CYFIP2: variants seen among roughly 807,000 people sequenced by gnomAD.
CYFIP2 encodes the protein cytoplasmic FMR1-interacting protein 2.
In CYFIP2, 29 loss-of-function variants were observed where a neutral mutation model predicts 158.7. That is an observed-to-expected ratio of 0.18 (90% confidence interval 0.14 to 0.25). The LOEUF (loss-of-function observed/expected upper bound fraction) is 0.25, where lower values mean the gene tolerates loss of function less well. Among genes scored for constraint, CYFIP2 ranks in the 10% least tolerant of loss-of-function variants. The pLI, the probability that CYFIP2 is intolerant of heterozygous loss-of-function variation, is 1.00. For missense variants in CYFIP2, 852 were observed against 1,639.5 expected, an observed-to-expected ratio of 0.52 and a Z score of 8.29; for synonymous variants, 585 against 617.6, an observed-to-expected ratio of 0.95 and a Z score of 0.78.
chr5:157,318,934 C>G (rs1011419673), intron 13 of CYFIP2, among the ~76,000 whole-genome samples: 1 of 152,182 alleles, frequency 6.6e-6, no homozygotes, highest in Non-Finnish European at 1.5e-5. Flanking sequence ...GTGGTTTTCA[C>G]CCAAGGCCAC....
chr5:157,289,789 A>G (rs1468684170), intron 3 of CYFIP2, among the ~76,000 whole-genome samples: 1 of 152,258 alleles, frequency 6.6e-6, no homozygotes, highest in African/African-American at 2.4e-5. Flanking sequence ...TTCAGCCCAT[A>G]ACAGAAGGCT....
In CYFIP2 at chr5:157,349,960, ATTGT is replaced by A. The variant is rs569890097; in HGVS notation, c.2673+8822_2673+8825del. Among the ~76,000 whole-genome samples the A allele has an allele frequency of 1.8e-4, 28 of 151,404 alleles. 1 individual carries two copies. Among genetic ancestry groups the A allele is most frequent in the East Asian group, 1.7e-3 (9 of 5,158 alleles). ...TGTCCTTAGCCCACTTTTTGATGGG[ATTGT>A]TTGTTTGTTTGTTTGTTTTTCTTAC... On this transcript the variant is annotated intron_variant, in intron 23 of 30. Coordinates refer to ENST00000620254, the MANE Select transcript of CYFIP2 (RefSeq NM_001037333.3).
intron 23 of CYFIP2, among the ~76,000 whole-genome samples, chr5:157,354,613 T>C (rs1763290755): frequency 6.6e-6 from 1 of 151,902 alleles, no homozygotes; most frequent in Non-Finnish European, 1.5e-5. Flanking sequence ...AGGAGGAGGA[T>C]TTGAATTCTC....
intron 1 of CYFIP2, among the ~76,000 whole-genome samples, chr5:157,268,635 G>A (rs1755819210): frequency 6.6e-6 from 1 of 152,214 alleles, no homozygotes; most frequent in Non-Finnish European, 1.5e-5. Context: ...GGCCCCAGGG[G>A]TCCACCAAAA....
chr5:157,299,748 A>G (rs1758582212), intron 5 of CYFIP2, among the ~76,000 whole-genome samples: 2 of 152,066 alleles, frequency 1.3e-5, no homozygotes, highest in African/African-American at 4.8e-5. Flanking sequence ...TAAAAATACA[A>G]AAAATTAGCT....
intron 5 of CYFIP2, among the ~76,000 whole-genome samples, chr5:157,300,181 T>C (rs1009046312): frequency 3.3e-5 from 5 of 152,108 alleles, no homozygotes; most frequent in African/African-American, 1.2e-4. Context: ...AGCCAATGTA[T>C]GTTGAATGAA....
chr5:157,328,513 T>C (rs954037026), intron 19 of CYFIP2, among the ~76,000 whole-genome samples: 7 of 152,208 alleles, frequency 4.6e-5, no homozygotes. Flanking sequence ...GGGAGTATGA[T>C]GATAACAGCA....
chr5:157,312,856 G>T (rs1408154783), intron 11 of CYFIP2, among the ~76,000 whole-genome samples: 1 of 152,098 alleles, frequency 6.6e-6, no homozygotes, highest in African/African-American at 2.4e-5. Context: ...GAGTGCTAGA[G>T]CTCTTTTAAA....
At chr5:157,289,481 G>A (rs1422163070) in intron 3 of CYFIP2, among the ~76,000 whole-genome samples, 1 of 152,246 alleles carries the variant, frequency 6.6e-6, no homozygotes, top group African/African-American at 2.4e-5. Flanking sequence ...AGAAGTCCAA[G>A]ATCAAGGTGT....
At position 157,389,294 on chromosome 5, in the gene CYFIP2, G is replaced by A; in HGVS notation, c.3313G>A (p.Asp1105Asn). ...ILTRIRSYLQDPIWRGPPPTN... is the reference protein window; with the variant it reads ...ILTRIRSYLQNPIWRGPPPTN... ...GACCCGCATTCGGAGCTACCTGCAG[G>A]ACCCCATCTGGCGGGGCCCACCGCC... The change falls in exon 29 of 31, where the codon GAC becomes AAC. Residue 1105 changes from aspartate (D) to asparagine (N), a missense_variant. By Grantham distance (23) the Asp-to-Asn change is conservative (BLOSUM62 1). Transcript: ENST00000620254. 6.2e-7 allele frequency: 1 copy of A among 1,614,024 alleles called. No homozygotes were observed. Among genetic ancestry groups the A allele is most frequent in the Non-Finnish European group, 8.5e-7 (1 of 1,179,900 alleles).
At chr5:157,307,613 T>C in intron 8 of CYFIP2, 148 bp from the exon 9 acceptor site, 1 of 423,054 alleles carries the variant, frequency 2.4e-6, no homozygotes, top group East Asian at 3.7e-5. Context: ...TAGATTTTCA[T>C]AATATAATGT....
At chr5:157,297,199 GC>G (rs1758322397) in intron 5 of CYFIP2, among the ~76,000 whole-genome samples, 2 of 152,334 alleles carry the variant, frequency 1.3e-5, no homozygotes, top group Middle Eastern at 3.4e-3. Context: ...GGCAGAAGTT[GC>G]CACAGAGGCA....
intron 11 of CYFIP2, 80 bp from the exon 12 acceptor site, chr5:157,314,264 T>C: frequency 9.1e-6 from 14 of 1,531,024 alleles, no homozygotes; most frequent in Non-Finnish European, 1.2e-5. Flanking sequence ...TTCCCTGCAG[T>C]GTTCTTGGGG....
intron 23 of CYFIP2, among the ~76,000 whole-genome samples, chr5:157,343,704 G>A (rs1423433775): frequency 6.6e-6 from 1 of 152,136 alleles, no homozygotes; most frequent in Non-Finnish European, 1.5e-5. Flanking sequence ...TTTAGGCATA[G>A]CGAAAAAGTG....
At chr5:157,370,247 A>G (rs1764871271) in intron 26 of CYFIP2, among the ~76,000 whole-genome samples, 1 of 152,204 alleles carries the variant, frequency 6.6e-6, no homozygotes, top group Non-Finnish European at 1.5e-5. Flanking sequence ...TCTCTGATCT[A>G]GAAGCATTTT....
intron 26 of CYFIP2, among the ~76,000 whole-genome samples, chr5:157,366,413 T>C (rs946848516): frequency 6.6e-6 from 1 of 152,236 alleles, no homozygotes; most frequent in African/African-American, 2.4e-5. Flanking sequence ...GGTTTTGTGA[T>C]TTGTTTAGAA....
chr5:157,339,300 G>T, intron 22 of CYFIP2, 44 bp downstream of exon 22: 1 of 1,573,612 alleles, frequency 6.4e-7, no homozygotes, highest in Non-Finnish European at 8.7e-7. Flanking sequence ...GGGGTTGGGG[G>T]AGTGGCCAGC....
chr5:157,292,333 C>T (rs531431414), intron 3 of CYFIP2, among the ~76,000 whole-genome samples: 1 of 152,160 alleles, frequency 6.6e-6, no homozygotes, highest in East Asian at 1.9e-4. Context: ...GATTCTTCTG[C>T]CTCAGCCTCC....
chr5:157,338,677 C>G (rs563927537), intron 21 of CYFIP2, among the ~76,000 whole-genome samples: 2 of 152,312 alleles, frequency 1.3e-5, no homozygotes, highest in Non-Finnish European at 2.9e-5. Flanking sequence ...ATAGTAAACC[C>G]TTAATTAGTG....
Sources: gnomAD v4.1 joint callset for allele counts (sites outside exome capture counted in the v4.1 genomes callset) on GRCh38, gnomAD v4.1.1 for gene constraint, MANE v1.5 for transcripts, NCBI Gene and HGNC (gene_info 2026-07-23, HGNC 2026-07-21) for gene names.